SEMA4F: variants seen among roughly 807,000 people sequenced by gnomAD.
SEMA4F encodes the protein ssemaphorin 4F, also known as semaphorin-4F.
In SEMA4F, 51 loss-of-function variants were observed where a neutral mutation model predicts 78.4. That is an observed-to-expected ratio of 0.65 (90% confidence interval 0.52 to 0.82). The LOEUF is 0.82. Ranked by LOEUF, SEMA4F falls within the 40% of genes least tolerant of loss-of-function variation. The pLI, the probability that SEMA4F is intolerant of heterozygous loss-of-function variation, is 0.00. For synonymous variants in SEMA4F, 418 were observed against 408.7 expected (o/e 1.02, Z -0.27); for missense variants, 938 against 1,014.4 (o/e 0.92, Z 1.02).
rs150974049 is a variant in SEMA4F, at chr2:74,669,585, AAACAACAACAACAAC to A, written c.551-3854_551-3840del. ...GGGCAACGGAGCTAGACTCTGTCTC[AAACAACAACAACAAC>A]AACAACAACAACAACAAAAACAAAA... On this transcript the variant is annotated intron_variant, in intron 5 of 13. Coordinates refer to ENST00000357877, the MANE Select transcript of SEMA4F (RefSeq NM_004263.5). 6.2e-3 allele frequency among the ~76,000 whole-genome samples: 940 copies of A among 151,434 alleles called. 5 individuals are homozygous for A. The highest frequency in any genetic ancestry group is 0.011 in the Non-Finnish European group (743 of 67,846).
Position 74,682,248 on chromosome 2 carries a change from C to T in SEMA4F, c.*2039C>T, listed in dbSNP as rs918213734. ...TGGCTAACACGGTGAAACCCCGTCT[C>T]TACTAAAAATACAAAAAATTAGCCG... On this transcript the variant is annotated 3_prime_UTR_variant, in exon 14 of 14. Transcript: ENST00000357877. 1 of 152,270 alleles carries T rather than the reference C, an allele frequency of 6.6e-6. No homozygotes were observed. The highest frequency in any genetic ancestry group is 1.9e-4 in the East Asian group (1 of 5,178). The allele number at this position is 152,270 out of a possible 1,614,324, so 9.4% of individuals were successfully genotyped here. A position where few individuals can be genotyped will look rare whatever the true frequency, so the allele number is the denominator to read the frequency against.
the SEMA4F span, among the ~76,000 whole-genome samples, chr2:74,691,487 TG>T: frequency 6.6e-6 from 1 of 152,202 alleles, no homozygotes; most frequent in Non-Finnish European, 1.5e-5. Context: ...CATGAGGTTT[TG>T]TGCTGAGTGG....
chr2:74,661,932 C>A (rs370180630), intron 4 of SEMA4F, among the ~76,000 whole-genome samples: 1 of 152,206 alleles, frequency 6.6e-6, no homozygotes, highest in Non-Finnish European at 1.5e-5. Context: ...GTTAACTTCC[C>A]TCTCAGTCCT....
intron 7 of SEMA4F, among the ~76,000 whole-genome samples, chr2:74,674,110 G>T (rs1449223125): frequency 2.0e-5 from 3 of 152,184 alleles, no homozygotes; most frequent in African/African-American, 7.2e-5. Flanking sequence ...TCAAGTCCCT[G>T]CCCTACCCAC....
In SEMA4F at chr2:74,680,272, G is replaced by C; in HGVS notation, c.*63G>C. On this transcript the variant is annotated 3_prime_UTR_variant, in exon 14 of 14. Coordinates refer to ENST00000357877, the MANE Select transcript of SEMA4F (RefSeq NM_004263.5). ...GGAACGGAGTGACCACTGAGATGCTGGGGGTCACTGGGCCTGGAAGACCAT... is the reference window on the plus strand; with the variant it reads ...GGAACGGAGTGACCACTGAGATGCTCGGGGTCACTGGGCCTGGAAGACCAT... 6.7e-7 allele frequency: 1 copy of C among 1,495,838 alleles called. No individual in the cohort carries two copies. The highest frequency in any genetic ancestry group is 9.0e-7 in the Non-Finnish European group (1 of 1,116,680). The allele number at this position is 1,495,838 out of a possible 1,614,324, so 92.7% of individuals were successfully genotyped here. A position where few individuals can be genotyped will look rare whatever the true frequency, so the allele number is the denominator to read the frequency against.
At chr2:74,664,758 T>C (rs927511266) in intron 5 of SEMA4F, among the ~76,000 whole-genome samples, 1 of 152,222 alleles carries the variant, frequency 6.6e-6, no homozygotes, top group African/African-American at 2.4e-5. Context: ...TTATTTTTAT[T>C]TCTTCTTTGG....
At chr2:74,677,835 T>C (rs1685378713) in intron 12 of SEMA4F, among the ~76,000 whole-genome samples, 1 of 152,218 alleles carries the variant, frequency 6.6e-6, no homozygotes, top group Non-Finnish European at 1.5e-5. Context: ...AATTCACACA[T>C]GTCAAAACAG....
At chr2:74,662,177 C>T (rs775150543) in intron 4 of SEMA4F, among the ~76,000 whole-genome samples, 1 of 152,050 alleles carries the variant, frequency 6.6e-6, no homozygotes, top group African/African-American at 2.4e-5. Flanking sequence ...TGTCCTCTGC[C>T]CTTGGTCGTA....
Position 74,674,481 on chromosome 2 carries a change from T to C in SEMA4F, c.823-17T>C, listed in dbSNP as rs371257790. On this transcript the variant is annotated splice_polypyrimidine_tract_variant and intron_variant, in intron 7 of 13. Transcript: ENST00000357877. ...ATGATCATCTAAAGAGAACCTCCCATGTGTTTGTCACCCCAGGGGGACCTC... is the reference window on the plus strand; with the variant it reads ...ATGATCATCTAAAGAGAACCTCCCACGTGTTTGTCACCCCAGGGGGACCTC... 8.1e-6 allele frequency: 13 copies of C among 1,601,160 alleles called. No individual in the cohort carries two copies. The highest frequency in any genetic ancestry group is 1.7e-5 in the Admixed American group (1 of 57,620).
rs955263375 is a variant in SEMA4F, at chr2:74,675,631, C to T, written c.1479C>T (p.Tyr493=). The T allele has an allele frequency of 1.9e-6, 3 of 1,613,768 alleles. No homozygotes were observed. Among genetic ancestry groups the T allele is most frequent in the Non-Finnish European group, 2.5e-6 (3 of 1,179,658 alleles). Residue 493 remains tyrosine, a synonymous_variant, in exon 11 of 14, where the codon TAC becomes TAT. Transcript: ENST00000357877. The part of the protein sequence containing the change: ...EPQPVENMKL[Y]HSWLLVGSRT... ...AGCCAGTTGAGAACATGAAATTGTA[C>T]CACGTGAGTTGTAGATTTTGGAGAG...
rs1684227721 is a variant in SEMA4F, at chr2:74,657,738, C to T, written c.357+114C>T. 6 of 1,380,470 alleles carry T rather than the reference C, an allele frequency of 4.3e-6. No individual in the cohort carries two copies. The South Asian group carries it at 5.8e-5, about 13-fold the overall frequency. The allele number at this position is 1,380,470 out of a possible 1,614,324, so 85.5% of individuals were successfully genotyped here. On this transcript the variant is annotated intron_variant, in intron 3 of 13. Coordinates refer to ENST00000357877, the MANE Select transcript of SEMA4F (RefSeq NM_004263.5). ...ATGGGCCCAGGCAGAGACTCTAACA[C>T]CATGCCATCACCCATCATCTCTGAT...
chr2:74,685,526 A>G (rs766761671), downstream of SEMA4F, among the ~76,000 whole-genome samples: 3 of 151,976 alleles, frequency 2.0e-5, no homozygotes, highest in Non-Finnish European at 4.4e-5. Context: ...TTTAGCTCCA[A>G]TCCGGGAATC....
chr2:74,680,490 C>A lies in SEMA4F; in HGVS notation c.*281C>A. The stretch of plus-strand genomic sequence containing the variant: ...TCCTGTAAACCTTCATCCCTGGCCC[C>A]CTATCTTGGGCCCATTAGTTTTGGG... On this transcript the variant is annotated 3_prime_UTR_variant, in exon 14 of 14. Coordinates refer to ENST00000357877, the MANE Select transcript of SEMA4F (RefSeq NM_004263.5). 1 of 338,572 alleles carries A rather than the reference C, an allele frequency of 3.0e-6. No homozygotes were observed. Among genetic ancestry groups the A allele is most frequent in the Non-Finnish European group, 5.4e-6 (1 of 186,898 alleles). 21.0% of individuals were successfully genotyped at this position (338,572 alleles called of 1,614,324 possible). A position where few individuals can be genotyped will look rare whatever the true frequency, so the allele number is the denominator to read the frequency against.
chr2:74,654,332 A>C lies in SEMA4F; in HGVS notation c.-45A>C. The C allele has an allele frequency of 7.0e-7, 1 of 1,426,310 alleles. No individual in the cohort carries two copies. The highest frequency in any genetic ancestry group is 1.5e-5 in the South Asian group (1 of 68,350). The allele number at this position is 1,426,310 out of a possible 1,614,324, so 88.4% of individuals were successfully genotyped here. A position where few individuals can be genotyped will look rare whatever the true frequency, so the allele number is the denominator to read the frequency against. ...GGCCAGTAGCCCCGGGGCCCTGAGC[A>C]GAGGCCGTAGCTTGCGCCGCACCCG... On this transcript the variant is annotated 5_prime_UTR_variant, in exon 1 of 14. Coordinates refer to ENST00000357877, the MANE Select transcript of SEMA4F (RefSeq NM_004263.5).
chr2:74,665,771 T>C (rs1684660397), intron 5 of SEMA4F, among the ~76,000 whole-genome samples: 1 of 152,190 alleles, frequency 6.6e-6, no homozygotes, highest in Admixed American at 6.5e-5. Context: ...TCAGAGTCAT[T>C]AAAGATTTCT....
the SEMA4F span, among the ~76,000 whole-genome samples, chr2:74,689,805 A>G: frequency 6.6e-6 from 1 of 152,226 alleles, no homozygotes; most frequent in African/African-American, 2.4e-5. Flanking sequence ...CCAACATCAG[A>G]CAAGGACACT....
chr2:74,703,613 C>T, the SEMA4F span, among the ~76,000 whole-genome samples: 23 of 152,208 alleles, frequency 1.5e-4, no homozygotes, highest in Non-Finnish European at 5.9e-5. Flanking sequence ...GATACCGTAA[C>T]GGGCATAGAA....
In SEMA4F at chr2:74,679,965, G is replaced by A. The variant is rs1685510847; in HGVS notation, c.2069G>A (p.Arg690Lys). 6.2e-7 allele frequency: 1 copy of A among 1,614,210 alleles called. No homozygotes were observed. The highest frequency in any genetic ancestry group is 8.5e-7 in the Non-Finnish European group (1 of 1,180,030). Residue 690 changes from arginine (R) to lysine (K), a missense_variant, in exon 14 of 14, where the codon AGG (arginine) becomes AAG (lysine). Arg to Lys is a conservative substitution (Grantham distance 26, BLOSUM62 2). Coordinates refer to ENST00000357877, the MANE Select transcript of SEMA4F (RefSeq NM_004263.5). ...IGRRQQRRRQ[R>K]ELLARDKVGL... Reference sequence around the variant, plus strand: ...CGGCGTCAGCAGCGACGGCGACAGAGGGAACTTCTGGCTAGAGACAAGGTG... The same window carrying A: ...CGGCGTCAGCAGCGACGGCGACAGAAGGAACTTCTGGCTAGAGACAAGGTG...
chr2:74,654,298 TG>T lies in SEMA4F; in HGVS notation c.-75del. 1 of 1,359,834 alleles carries T rather than the reference TG, an allele frequency of 7.4e-7. No homozygotes were observed. Among genetic ancestry groups the T allele is most frequent in the African/African-American group, 1.5e-5 (1 of 65,010 alleles). The allele number at this position is 1,359,834 out of a possible 1,614,324, so 84.2% of individuals were successfully genotyped here. A position where few individuals can be genotyped will look rare whatever the true frequency, so the allele number is the denominator to read the frequency against. ...CCGGACCGAGCCGAGAGGACCCGAGTGGGGCCGAGGCCAGTAGCCCCGGGGC... is the reference window on the plus strand; with the variant it reads ...CCGGACCGAGCCGAGAGGACCCGAGTGGGCCGAGGCCAGTAGCCCCGGGGC... On this transcript the variant is annotated 5_prime_UTR_variant, in exon 1 of 14. Coordinates refer to ENST00000357877, the MANE Select transcript of SEMA4F (RefSeq NM_004263.5).
Sources: gnomAD v4.1 joint callset for allele counts (sites outside exome capture counted in the v4.1 genomes callset) on GRCh38, gnomAD v4.1.1 for gene constraint, MANE v1.5 for transcripts, NCBI Gene and HGNC (gene_info 2026-07-23, HGNC 2026-07-21) for gene names.